SPATS2L: variants seen among roughly 807,000 people sequenced by gnomAD.
SPATS2L encodes the protein SPATS2-like protein.
A neutral mutation model predicts 59.6 loss-of-function variants in SPATS2L; 30 were observed. That is an observed-to-expected ratio of 0.50 (90% CI 0.38 to 0.68). The LOEUF is 0.68. Among genes scored for constraint, SPATS2L ranks in the 30% least tolerant of loss-of-function variants. SPATS2L has a pLI of 0.00. For missense variants in SPATS2L, 615 were observed against 700.0 expected (o/e 0.88, Z 1.37); for synonymous variants, 252 against 263.5 (o/e 0.96, Z 0.42).
intron 10 of SPATS2L, chr2:200,469,623 G>A: frequency 3.6e-6 from 1 of 277,178 alleles, no homozygotes; most frequent in African/African-American, 2.2e-5. Flanking sequence ...AAAAGTACTA[G>A]GAGGGCGAGG....
intron 1 of SPATS2L, among the ~76,000 whole-genome samples, chr2:200,314,096 T>C (rs1356121556): frequency 2.6e-5 from 4 of 152,226 alleles, no homozygotes; most frequent in African/African-American, 4.8e-5. Context: ...ATTGATTCCA[T>C]TGTAAATCTG....
Position 200,329,486 on chromosome 2 carries a change from T to C in SPATS2L, c.-23+6T>C, listed in dbSNP as rs1559043217. On this transcript the variant is annotated splice_donor_region_variant and intron_variant, in intron 2 of 12. Transcript: ENST00000409140. ...ACATTGCTGTGGATTCCCAGGTGAG[T>C]AGAGATGGTCCTTCCCTCTCTGTGA... The C allele has an allele frequency of 6.5e-7, 1 of 1,549,800 alleles. No individual in the cohort carries two copies. Among genetic ancestry groups the C allele is most frequent in the Non-Finnish European group, 8.7e-7 (1 of 1,146,352 alleles).
intron 2 of SPATS2L, among the ~76,000 whole-genome samples, chr2:200,348,735 T>A (rs1294914193): frequency 6.6e-6 from 1 of 152,128 alleles, no homozygotes; most frequent in Non-Finnish European, 1.5e-5. Context: ...GAGAATCTAA[T>A]GAGAAAAGGC....
chr2:200,468,574 A>G (rs1188631778), intron 10 of SPATS2L, among the ~76,000 whole-genome samples: 4 of 152,162 alleles, frequency 2.6e-5, no homozygotes, highest in African/African-American at 4.8e-5. Context: ...ACCTCACCTG[A>G]GGGTGCTGAG....
intron 2 of SPATS2L, chr2:200,378,320 G>A (rs926331959): frequency 7.0e-6 from 7 of 1,002,380 alleles, no homozygotes; most frequent in African/African-American, 1.7e-5. Flanking sequence ...AAAGCCAGTC[G>A]CTGGAAACTG....
intron 3 of SPATS2L, chr2:200,393,201 G>T (rs556397254): frequency 2.2e-6 from 1 of 456,778 alleles, no homozygotes; most frequent in African/African-American, 2.0e-5. Context: ...CCATGGAAAG[G>T]AAAAGCACTT....
chr2:200,382,759 G>A (rs891431832), intron 2 of SPATS2L, among the ~76,000 whole-genome samples: 33 of 152,206 alleles, frequency 2.2e-4, no homozygotes, highest in African/African-American at 7.7e-4. Flanking sequence ...TCTATTCGTA[G>A]GGTTGTGACG....
At chr2:200,388,055 G>C (rs779198162) in intron 2 of SPATS2L, among the ~76,000 whole-genome samples, 7 of 152,130 alleles carry the variant, frequency 4.6e-5, no homozygotes, top group Non-Finnish European at 1.0e-4. Flanking sequence ...ATTATGGGCA[G>C]TTTTAAGGGT....
chr2:200,348,994 G>T (rs1263019366), intron 2 of SPATS2L, among the ~76,000 whole-genome samples: 3 of 152,010 alleles, frequency 2.0e-5, no homozygotes, highest in African/African-American at 7.3e-5. Flanking sequence ...GTCAGTATTG[G>T]CATATCCTAG....
chr2:200,468,859 G>A (rs2086819969), intron 10 of SPATS2L, among the ~76,000 whole-genome samples: 1 of 152,190 alleles, frequency 6.6e-6, no homozygotes. Flanking sequence ...CATCAAGTAA[G>A]AAATATAAAA....
rs62279302 is a variant in SPATS2L at position 200,444,550 on chromosome 2, C to T, written c.788+3766C>T. Among the ~76,000 whole-genome samples, 774 of 152,170 alleles carry T rather than the reference C, an allele frequency of 5.1e-3. 2 individuals carry two copies. Among genetic ancestry groups the T allele is most frequent in the Non-Finnish European group, 8.6e-3 (588 of 68,006 alleles). On this transcript the variant is annotated intron_variant, in intron 8 of 12. Coordinates refer to ENST00000409140, the MANE Select transcript of SPATS2L (RefSeq NM_001100423.2). ...GAGAATGGGGGCTGGAGGGAGCAGT[C>T]CTTTTAGGCAGCTTTGTTTTCCAAG...
At chr2:200,469,885 G>A in intron 10 of SPATS2L, 29 bp from the exon 11 acceptor site, 2 of 1,567,130 alleles carry the variant, frequency 1.3e-6, no homozygotes, top group South Asian at 1.2e-5. Context: ...GTAATCATGG[G>A]GTTCCTGCTT....
chr2:200,454,353 G>A (rs1224566563), intron 8 of SPATS2L, among the ~76,000 whole-genome samples: 1 of 152,090 alleles, frequency 6.6e-6, no homozygotes, highest in South Asian at 2.1e-4. Flanking sequence ...AGAACACTAG[G>A]CCTGACATGA....
chr2:200,394,849 G>T (rs2082282709), intron 3 of SPATS2L, among the ~76,000 whole-genome samples: 1 of 152,158 alleles, frequency 6.6e-6, no homozygotes, highest in Non-Finnish European at 1.5e-5. Flanking sequence ...ATCAAATACA[G>T]GTGGTCTCAG....
chr2:200,351,850 CTCTTTA>C (rs761696389), intron 2 of SPATS2L, among the ~76,000 whole-genome samples: 3 of 152,132 alleles, frequency 2.0e-5, no homozygotes, highest in Non-Finnish European at 2.9e-5. Context: ...CTTGACACGG[CTCTTTA>C]AGAGGGTGGA....
At chr2:200,306,371 G>C (rs868007454), upstream of SPATS2L, 1 of 1,002,302 alleles carries the variant, frequency 1.0e-6, no homozygotes. Flanking sequence ...TCGGTGAAGT[G>C]GAGGTTTGGG....
chr2:200,306,312 T>C (rs3739120), upstream of SPATS2L: 226 of 1,002,424 alleles, frequency 2.3e-4, 2 homozygotes, highest in East Asian at 0.02. Context: ...GATGATTCTC[T>C]TGCAACACGT....
At chr2:200,360,652 G>A (rs1327556533) in intron 2 of SPATS2L, among the ~76,000 whole-genome samples, 1 of 152,198 alleles carries the variant, frequency 6.6e-6, no homozygotes, top group Admixed American at 6.5e-5. Context: ...GCAGGTGGCA[G>A]GTGGTCAGCA....
chr2:200,370,497 T>C (rs887370933), intron 2 of SPATS2L, among the ~76,000 whole-genome samples: 2 of 152,178 alleles, frequency 1.3e-5, no homozygotes, highest in African/African-American at 2.4e-5. Flanking sequence ...GTCAGTGTAA[T>C]TGCGGAGGGT....
Sources: allele counts gnomAD v4.1 joint callset (sites outside exome capture counted in the v4.1 genomes callset), GRCh38; gene constraint gnomAD v4.1.1; transcripts MANE v1.5; gene names NCBI Gene and HGNC (gene_info 2026-07-23, HGNC 2026-07-21).